TNR: variants seen among roughly 807,000 people sequenced by gnomAD.
TNR encodes the protein tenascin-R.
TNR carries 45 observed loss-of-function variants against 150.4 expected under a neutral mutation model. That is an observed-to-expected ratio of 0.30 (90% CI 0.24 to 0.38). The LOEUF (loss-of-function observed/expected upper bound fraction) is 0.38. TNR is among the 10% of genes least tolerant of loss of function. The pLI, the probability that TNR is intolerant of heterozygous loss-of-function variation, is 1.00. For missense variants in TNR, 1,544 were observed against 1,759.1 expected (o/e 0.88, Z 2.19); for synonymous variants, 687 against 678.4 (o/e 1.01, Z -0.20).
At chr1:175,649,392 T>C (rs1664888801) in intron 1 of TNR, among the ~76,000 whole-genome samples, 1 of 152,206 alleles carries the variant, frequency 6.6e-6, no homozygotes, top group Non-Finnish European at 1.5e-5. Context: ...CTTATTTCCC[T>C]CTCAGTACTC....
At chr1:175,374,391 T>C (rs777086735) in intron 9 of TNR, among the ~76,000 whole-genome samples, 1 of 152,156 alleles carries the variant, frequency 6.6e-6, no homozygotes, top group Non-Finnish European at 1.5e-5. Context: ...TGTGAGGGTA[T>C]GTGAAAGTGT....
chr1:175,659,317 C>T (rs1665290006), intron 1 of TNR, among the ~76,000 whole-genome samples: 1 of 152,176 alleles, frequency 6.6e-6, no homozygotes, highest in African/African-American at 2.4e-5. Flanking sequence ...CTCTTCAACC[C>T]ATTATGTATA....
chr1:175,571,082 C>A (rs559626935), intron 1 of TNR, among the ~76,000 whole-genome samples: 1 of 152,310 alleles, frequency 6.6e-6, no homozygotes, highest in South Asian at 2.1e-4. Flanking sequence ...TAGCTCTAAC[C>A]CATCTAACAC....
chr1:175,725,620 A>G (rs546904378), intron 1 of TNR, among the ~76,000 whole-genome samples: 28 of 152,316 alleles, frequency 1.8e-4, no homozygotes, highest in African/African-American at 6.7e-4. Context: ...CAATTTGGGG[A>G]AAAAAATAAC....
chr1:175,715,825 G>C (rs1667142963), intron 1 of TNR, among the ~76,000 whole-genome samples: 1 of 152,198 alleles, frequency 6.6e-6, no homozygotes, highest in South Asian at 2.1e-4. Flanking sequence ...TGCTACTGAA[G>C]GCCAAGAGTG....
In TNR at chr1:175,360,329, G is replaced by T. The variant is rs529419726; in HGVS notation, c.2855-598C>A. Among the ~76,000 whole-genome samples the T allele has an allele frequency of 6.6e-5, 10 of 152,292 alleles. No homozygotes were observed. In the East Asian group the frequency reaches 1.7e-3, roughly 26 times the overall value. On this transcript the variant is annotated intron_variant, in intron 14 of 22. Transcript: ENST00000367674. ...AGTCATATCTGATTATTGGATGATT[G>T]CTTCACTGCTCACAAGTCTCACTCA...
intron 1 of TNR, among the ~76,000 whole-genome samples, chr1:175,574,966 C>T (rs1386911465): frequency 6.6e-6 from 1 of 152,244 alleles, no homozygotes; most frequent in Non-Finnish European, 1.5e-5. Context: ...AGATGTAGCA[C>T]ATTCCTCATG....
intron 2 of TNR, among the ~76,000 whole-genome samples, chr1:175,449,514 C>A (rs1216997321): frequency 6.6e-6 from 1 of 152,144 alleles, no homozygotes; most frequent in Non-Finnish European, 1.5e-5. Context: ...TGTTATGAGT[C>A]ATTTTGTGCT....
At chr1:175,543,717 T>G (rs1333702427) in intron 1 of TNR, among the ~76,000 whole-genome samples, 1 of 152,082 alleles carries the variant, frequency 6.6e-6, no homozygotes, top group African/African-American at 2.4e-5. Context: ...AGCAATAACA[T>G]CATGTGATTA....
Position 175,396,585 on chromosome 1 carries a change from C to T in TNR, c.1199G>A (p.Ser400Asn), listed in dbSNP as rs2102039432. Residue 400 changes from serine to asparagine, a missense_variant, in exon 5 of 23, where the codon AGC becomes AAC. Physicochemically the swap from Ser to Asn is conservative, Grantham distance 46. This residue lies in a region of TNR where 1,254 missense variants were observed against 1,329.4 expected (regional missense o/e 0.94). Transcript: ENST00000367674. ...AGTGATGGGAAGGCTGAGGATGTTG[C>T]TAATGACAGCGTAGACGCTGATGTT... ...TYNISVYAVI[S>N]NILSLPITAK... is the part of the protein sequence containing the mutation. 1 of 1,614,218 alleles carries T rather than the reference C, an allele frequency of 6.2e-7. No homozygotes were observed. Among genetic ancestry groups the T allele is most frequent in the Middle Eastern group, 1.7e-4 (1 of 6,060 alleles).
At chr1:175,481,924 T>C (rs1370411399) in intron 2 of TNR, among the ~76,000 whole-genome samples, 2 of 152,150 alleles carry the variant, frequency 1.3e-5, no homozygotes, top group African/African-American at 2.4e-5. Flanking sequence ...GTCATTCCTC[T>C]GTACCAGACC....
intron 1 of TNR, among the ~76,000 whole-genome samples, chr1:175,566,467 C>G (rs1423369656): frequency 1.3e-5 from 2 of 152,212 alleles, no homozygotes; most frequent in African/African-American, 4.8e-5. Flanking sequence ...CACATGGGCC[C>G]TGAGTAGAAG....
At chr1:175,725,365 G>A (rs1054796489) in intron 1 of TNR, among the ~76,000 whole-genome samples, 2 of 152,180 alleles carry the variant, frequency 1.3e-5, no homozygotes, top group African/African-American at 4.8e-5. Flanking sequence ...AGTTTCCTCA[G>A]TCTTAAGCAA....
intron 9 of TNR, among the ~76,000 whole-genome samples, chr1:175,378,025 C>T (rs1652491102): frequency 6.6e-6 from 1 of 152,164 alleles, no homozygotes; most frequent in Admixed American, 6.5e-5. Flanking sequence ...ACTTCCCAGC[C>T]AGGTATCATG....
At chr1:175,674,704 T>C (rs1665809271) in intron 1 of TNR, among the ~76,000 whole-genome samples, 1 of 152,154 alleles carries the variant, frequency 6.6e-6, no homozygotes, top group African/African-American at 2.4e-5. Context: ...AGCAATGTCC[T>C]AGCGCCAGGC....
chr1:175,455,922 G>T (rs960741547), intron 2 of TNR, among the ~76,000 whole-genome samples: 18 of 152,106 alleles, frequency 1.2e-4, no homozygotes, highest in African/African-American at 4.3e-4. Flanking sequence ...TCTAAACTGG[G>T]GTGCTTTGAG....
At chr1:175,406,096 G>A (rs968490288) in intron 3 of TNR, 120 bp downstream of exon 3, 24 of 1,345,266 alleles carry the variant, frequency 1.8e-5, no homozygotes, top group African/African-American at 2.9e-5. Context: ...AAGAGATGCC[G>A]GGGTTTTGCT....
chr1:175,521,031 C>A (rs945400664), intron 2 of TNR, among the ~76,000 whole-genome samples: 2 of 152,144 alleles, frequency 1.3e-5, no homozygotes, highest in African/African-American at 4.8e-5. Context: ...TTTCAGACAA[C>A]CTGGCAGAAC....
chr1:175,609,555 T>A (rs1663527699), intron 1 of TNR, among the ~76,000 whole-genome samples: 1 of 152,216 alleles, frequency 6.6e-6, no homozygotes, highest in Non-Finnish European at 1.5e-5. Flanking sequence ...TGAGGTGATA[T>A]CCAAGGTGTC....
Sources: gnomAD v4.1 joint callset for allele counts (sites outside exome capture counted in the v4.1 genomes callset) on GRCh38, gnomAD v4.1.1 for gene constraint, gnomAD v4.1.1 regional missense constraint, MANE v1.5 for transcripts, NCBI Gene and HGNC (gene_info 2026-07-23, HGNC 2026-07-21) for gene names.